Variants in CNDP2 observed in about 807,000 individuals in gnomAD.
CNDP2 encodes the protein cytosolic non-specific dipeptidase.
CNDP2 carries 38 observed loss-of-function variants against 55.0 expected under a neutral mutation model. That is an observed-to-expected ratio of 0.69 (90% CI 0.53 to 0.90). The LOEUF is 0.90. CNDP2 is among the 40% of genes least tolerant of loss of function. CNDP2 has a pLI of 0.00. For synonymous variants in CNDP2, 241 were observed against 260.2 expected, an observed-to-expected ratio of 0.93 and a Z score of 0.71; for missense variants, 607 against 621.7, an observed-to-expected ratio of 0.98 and a Z score of 0.25.
intron 3 of CNDP2, among the ~76,000 whole-genome samples, chr18:74,504,119 C>T (rs1417710478): frequency 1.9e-5 from 2 of 103,794 alleles, no homozygotes; most frequent in Admixed American, 2.2e-4. Flanking sequence ...GGCCACACGC[C>T]ACACACGCAG....
rs1291435562 is a variant in CNDP2 at position 74,508,904 on chromosome 18, G to A, written c.432G>A (p.Leu144=). The A allele has an allele frequency of 5.6e-6, 9 of 1,613,952 alleles. No homozygotes were observed. Among genetic ancestry groups the A allele is most frequent in the African/African-American group, 1.3e-5 (1 of 74,892 alleles). The change falls in exon 5 of 12, where the codon CTG becomes CTA. Residue 144 remains leucine (L), a synonymous_variant. Coordinates refer to ENST00000324262, the MANE Select transcript of CNDP2 (RefSeq NM_018235.3). ...KGPVAGWINA[L]EAYQKTGQEI... is the part of the protein sequence containing the mutation. ...CGGTGGCCGGCTGGATAAACGCCCT[G>A]GAAGCGTATCAGAAAACAGGCCAGG... is the stretch of plus-strand genomic sequence containing the variant.
intron 3 of CNDP2, among the ~76,000 whole-genome samples, chr18:74,503,845 ACGC>A (rs1978851044): frequency 2.0e-5 from 3 of 151,266 alleles, no homozygotes; most frequent in South Asian, 2.1e-4. Context: ...GTCAGGCCAC[ACGC>A]CACACACGCA....
At position 74,501,441 on chromosome 18, in the gene CNDP2, CTG is replaced by C; in HGVS notation, c.176_177del (p.Val59GlyfsTer12). The C allele has an allele frequency of 6.2e-7, 1 of 1,613,950 alleles. No individual in the cohort carries two copies. The highest frequency in any genetic ancestry group is 8.5e-7 in the Non-Finnish European group (1 of 1,179,944). On this transcript the variant is annotated frameshift_variant, in exon 3 of 12. Transcript: ENST00000324262. LOFTEE classifies it high-confidence loss of function. Reference sequence around the variant, plus strand: ...GCAGATGTTAAGCAGTTGGGGGGCTCTGTGGAACTGGTGGATATCGGAAAACA... The same window carrying C: ...GCAGATGTTAAGCAGTTGGGGGGCTCTGGAACTGGTGGATATCGGAAAACA...
rs148388345 is a variant in CNDP2, at chr18:74,510,819, C to T, written c.463C>T (p.Pro155Ser). The T allele has an allele frequency of 2.5e-6, 4 of 1,613,146 alleles. No homozygotes were observed. The African/African-American group carries it at 4.0e-5, about 16-fold the overall frequency. ...TGCTGTTCCCTTCTCACAGGAGATT[C>T]CTGTCAACGTCCGATTCTGCCTCGA... ...EAYQKTGQEIPVNVRFCLEGM... is the reference protein window; with the variant it reads ...EAYQKTGQEISVNVRFCLEGM... The change falls in exon 6 of 12, where the codon CCT becomes TCT. Residue 155 changes from proline to serine, a missense_variant. Physicochemically the swap from Pro to Ser is moderately conservative, Grantham distance 74. Coordinates refer to ENST00000324262, the MANE Select transcript of CNDP2 (RefSeq NM_018235.3).
chr18:74,506,555 G>C (rs1223857025), intron 4 of CNDP2, among the ~76,000 whole-genome samples: 1 of 152,204 alleles, frequency 6.6e-6, no homozygotes, highest in Non-Finnish European at 1.5e-5. Context: ...CGTCTGCCAG[G>C]CTTCCTCTAC....
chr18:74,502,477 T>TC (rs1978761723), intron 3 of CNDP2, among the ~76,000 whole-genome samples: 1 of 151,668 alleles, frequency 6.6e-6, no homozygotes, highest in East Asian at 1.9e-4. Context: ...TTTTTGGTTT[T>TC]TTTTTTTGTC....
At chr18:74,511,128 G>A (rs1979331464) in intron 6 of CNDP2, 115 bp downstream of exon 6, 3 of 866,512 alleles carry the variant, frequency 3.5e-6, no homozygotes, top group Non-Finnish European at 3.5e-6. Context: ...AGAAGCACAG[G>A]GCTCACTTAG....
chr18:74,518,411 C>T (rs1979834681), intron 9 of CNDP2, 88 bp from the exon 10 acceptor site: 1 of 1,502,504 alleles, frequency 6.7e-7, no homozygotes, highest in African/African-American at 1.4e-5. Context: ...TCGCTGTAGA[C>T]CCATGATAGC....
At chr18:74,501,702 T>C (rs1978711664) in intron 3 of CNDP2, among the ~76,000 whole-genome samples, 1 of 152,186 alleles carries the variant, frequency 6.6e-6, no homozygotes, top group Admixed American at 6.6e-5. Context: ...GGAGAACTGC[T>C]GACAGTTACT....
intron 11 of CNDP2, among the ~76,000 whole-genome samples, chr18:74,519,500 G>A (rs1979928528): frequency 6.6e-6 from 1 of 152,198 alleles, no homozygotes; most frequent in Non-Finnish European, 1.5e-5. Flanking sequence ...AGCCAGCCTT[G>A]GGAGCAGGAG....
rs374110769 is a variant in CNDP2 at position 74,520,367 on chromosome 18, G to A, written c.*299G>A. ...AAGCACAAGGTCTGCGGAAAGTTCT[G>A]GTTGTCGGCCGGGCACCACGGCTCA... On this transcript the variant is annotated 3_prime_UTR_variant, in exon 12 of 12. Coordinates refer to ENST00000324262, the MANE Select transcript of CNDP2 (RefSeq NM_018235.3). 7 of 371,218 alleles carry A rather than the reference G, an allele frequency of 1.9e-5. No homozygotes were observed. Among genetic ancestry groups the A allele is most frequent in the African/African-American group, 1.5e-4 (7 of 47,786 alleles). 23.0% of individuals were successfully genotyped at this position (371,218 alleles called of 1,614,324 possible).
chr18:74,518,715 G>C (rs1456179287), intron 10 of CNDP2, 75 bp downstream of exon 10: 26 of 1,591,506 alleles, frequency 1.6e-5, no homozygotes, highest in Non-Finnish European at 2.0e-5. Context: ...ATATCGCGTG[G>C]GCGTGTAGCT....
chr18:74,507,127 G>T (rs371154557), intron 4 of CNDP2: 1 of 152,166 alleles, frequency 6.6e-6, no homozygotes, highest in Non-Finnish European at 1.5e-5. Context: ...ACTAACTTGC[G>T]GTGGATTGTA....
intron 5 of CNDP2, among the ~76,000 whole-genome samples, chr18:74,510,407 T>C (rs1262723733): frequency 6.6e-6 from 1 of 152,036 alleles, no homozygotes; most frequent in Non-Finnish European, 1.5e-5. Context: ...CCCATCAGGC[T>C]CCTCGGGGAG....
chr18:74,498,338 T>C (rs1008054946), intron 1 of CNDP2, among the ~76,000 whole-genome samples: 2 of 152,128 alleles, frequency 1.3e-5, no homozygotes, highest in South Asian at 2.1e-4. Context: ...CTGTAGGCAG[T>C]TGTAACACAG....
At chr18:74,506,113 T>A in intron 4 of CNDP2, 102 bp downstream of exon 4, 1 of 991,408 alleles carries the variant, frequency 1.0e-6, no homozygotes, top group Non-Finnish European at 1.3e-6. Flanking sequence ...GTTTTTATTT[T>A]ATTTTATTTA....
chr18:74,509,997 G>A (rs11151960), intron 5 of CNDP2, among the ~76,000 whole-genome samples: 26,804 of 152,202 alleles, frequency 0.18, 2,655 homozygotes, highest in East Asian at 0.29. Flanking sequence ...CATGCTGGGC[G>A]GGAACTAGGA....
chr18:74,519,214 C>A, intron 11 of CNDP2, 118 bp downstream of exon 11: 1 of 1,280,058 alleles, frequency 7.8e-7, no homozygotes, highest in African/African-American at 1.5e-5. Context: ...GGCCCCGTGA[C>A]CTGCCCTCCT....
rs1254988485 is a variant in CNDP2 at position 74,512,467 on chromosome 18, A to G, written c.677A>G (p.Asp226Gly). The change falls in exon 7 of 12, where the codon GAC becomes GGC. Residue 226 changes from aspartate (D) to glycine (G), a missense_variant. Coordinates refer to ENST00000324262, the MANE Select transcript of CNDP2 (RefSeq NM_018235.3). ...FFIEVECSNK[D>G]LHSGVYGGSV... ...GTGCAGGTGGAGTGCAGCAACAAAG[A>G]CCTCCATTCTGGGGTGTACGGGGGC... 1 of 1,613,152 alleles carries G rather than the reference A, an allele frequency of 6.2e-7. No individual in the cohort carries two copies. Among genetic ancestry groups the G allele is most frequent in the Non-Finnish European group, 8.5e-7 (1 of 1,179,606 alleles).
Sources: gnomAD v4.1 joint callset for allele counts (sites outside exome capture counted in the v4.1 genomes callset) on GRCh38, gnomAD v4.1.1 for gene constraint, MANE v1.5 for transcripts, NCBI Gene and HGNC (gene_info 2026-07-23, HGNC 2026-07-21) for gene names.